The following TUT4 variants were observed in gnomAD, a reference collection of about 807,000 sequenced individuals.
TUT4 encodes terminal uridylyltransferase 4.
Under a neutral mutation model 192.2 loss-of-function variants are expected in TUT4, and 36 were observed. That is an observed-to-expected ratio of 0.19 (90% confidence interval 0.14 to 0.25). The LOEUF (loss-of-function observed/expected upper bound fraction) is 0.25, where lower values mean the gene tolerates loss of function less well. Among genes scored for constraint, TUT4 ranks in the 10% least tolerant of loss-of-function variants. The pLI is 1.00. For synonymous variants in TUT4, 618 were observed against 666.0 expected (o/e 0.93, Z 1.11); for missense variants, 1,493 against 1,957.2 (o/e 0.76, Z 4.47).
Position 52,458,285 on chromosome 1 carries a change from A to G in TUT4, c.3435+51T>C, listed in dbSNP as rs753132460. 2.2e-6 allele frequency: 3 copies of G among 1,367,736 alleles called. No homozygotes were observed. The East Asian group carries it at 6.9e-5, about 32-fold the overall frequency. 84.7% of individuals were successfully genotyped at this position (1,367,736 alleles called of 1,614,324 possible). A position where few individuals can be genotyped will look rare whatever the true frequency, so the allele number is the denominator to read the frequency against. On this transcript the variant is annotated intron_variant, in intron 20 of 29. Transcript: ENST00000257177. ...GAACCAAGCAAAATCTCCTGTGTTT[A>G]GATCTATTGTTTTCAAAAAAAACTC...
At chr1:52,463,830 ACTTGG>A in intron 16 of TUT4, 1 of 1,294,684 alleles carries the variant, frequency 7.7e-7, no homozygotes, top group Non-Finnish European at 1.0e-6. Context: ...CTGAAATTGC[ACTTGG>A]GGAAGGTCTG....
intron 15 of TUT4, among the ~76,000 whole-genome samples, chr1:52,467,166 T>C (rs943932414): frequency 2.6e-5 from 4 of 152,166 alleles, no homozygotes; most frequent in Non-Finnish European, 4.4e-5. Context: ...AATGATGATA[T>C]GATTTTTTAA....
intron 28 of TUT4, among the ~76,000 whole-genome samples, chr1:52,428,723 G>A (rs527430602): frequency 5.9e-5 from 9 of 152,020 alleles, no homozygotes; most frequent in East Asian, 1.9e-4. Context: ...CTCAGAAGGC[G>A]GAGGTTGCAG....
intron 13 of TUT4, among the ~76,000 whole-genome samples, chr1:52,473,740 G>A (rs978718372): frequency 6.6e-6 from 1 of 151,730 alleles, no homozygotes; most frequent in Non-Finnish European, 1.5e-5. Flanking sequence ...TGCATGATCT[G>A]TATAATCATT....
intron 1 of TUT4, among the ~76,000 whole-genome samples, chr1:52,547,315 A>C (rs191716503): frequency 1.3e-3 from 196 of 152,026 alleles, no homozygotes; most frequent in Non-Finnish European, 2.2e-4. Flanking sequence ...CTTATTAATC[A>C]TTAGGGAAAT....
At chr1:52,479,085 A>T (rs1238500813) in intron 11 of TUT4, among the ~76,000 whole-genome samples, 2 of 152,218 alleles carry the variant, frequency 1.3e-5, no homozygotes, top group East Asian at 3.9e-4. Context: ...GATAAGAATT[A>T]TTGAGAAGGT....
In TUT4 at chr1:52,423,941, C is replaced by T. The variant is rs747893717; in HGVS notation, c.4932G>A (p.Ser1644=). The change falls in exon 30 of 30, where the codon TCG becomes TCA. Residue 1644 remains serine (S), a synonymous_variant. Coordinates refer to ENST00000257177, the MANE Select transcript of TUT4 (RefSeq NM_001009881.3). ...RCPHPPRGNV[S]E ...GAAAGAAAATGGACTCGCATTACTC[C>T]GACACGTTTCCTCTTGGTGGGTGGG... 5 of 1,612,900 alleles carry T rather than the reference C, an allele frequency of 3.1e-6. No homozygotes were observed. The African/African-American group carries it at 5.3e-5, about 17-fold the overall frequency.
rs1482025807 is a variant in TUT4 at position 52,475,422 on chromosome 1, T to C, written c.2137A>G (p.Lys713Glu). 2 of 1,614,132 alleles carry C rather than the reference T, an allele frequency of 1.2e-6. No individual in the cohort carries two copies. The highest frequency in any genetic ancestry group is 4.5e-5 in the East Asian group (2 of 44,888). Residue 713 changes from lysine to glutamate, a missense_variant, in exon 13 of 30, where the codon AAG (lysine) becomes GAG (glutamate). By Grantham distance (56) the Lys-to-Glu change is moderately conservative (BLOSUM62 1). Coordinates refer to ENST00000257177, the MANE Select transcript of TUT4 (RefSeq NM_001009881.3). Reference sequence around the variant, plus strand: ...TCCACTGTAGACTTATTTCCACCCTTCGTCTGAGGACAGGCAAAATACCGA... The same window carrying C: ...TCCACTGTAGACTTATTTCCACCCTCCGTCTGAGGACAGGCAAAATACCGA... Reference protein sequence around the residue: ...AYRYFACPQTKGGNKSTVDFK... With the variant: ...AYRYFACPQTEGGNKSTVDFK...
chr1:52,549,670 C>G (rs551686933), intron 1 of TUT4, among the ~76,000 whole-genome samples: 2 of 152,126 alleles, frequency 1.3e-5, no homozygotes, highest in Non-Finnish European at 2.9e-5. Flanking sequence ...ATCACATATA[C>G]ATTATATTAG....
intron 4 of TUT4, among the ~76,000 whole-genome samples, chr1:52,506,952 T>C (rs1675760306): frequency 6.6e-6 from 1 of 152,232 alleles, no homozygotes; most frequent in Non-Finnish European, 1.5e-5. Flanking sequence ...TTGGAAACCA[T>C]TTATCATTTT....
chr1:52,512,776 G>C (rs993159624), intron 3 of TUT4, among the ~76,000 whole-genome samples: 3 of 152,166 alleles, frequency 2.0e-5, no homozygotes, highest in African/African-American at 4.8e-5. Flanking sequence ...GGAAAATTTA[G>C]CCTTCTGATC....
In TUT4 at chr1:52,481,851, G is replaced by GA. The variant is rs1328112539; in HGVS notation, c.1587dup (p.Leu530SerfsTer18). On this transcript the variant is annotated frameshift_variant, in exon 10 of 30. Coordinates refer to ENST00000257177, the MANE Select transcript of TUT4 (RefSeq NM_001009881.3). LOFTEE classifies it high-confidence loss of function. ...AGAAGAGGGGGTTTTCTCTGTTGTA[G>GA]AAAAAACATCACCATTAAAGCAAAA... The GA allele has an allele frequency of 6.3e-7, 1 of 1,599,440 alleles. No individual in the cohort carries two copies. Among genetic ancestry groups the GA allele is most frequent in the Non-Finnish European group, 8.5e-7 (1 of 1,176,284 alleles).
At chr1:52,463,516 A>C in intron 16 of TUT4, 1 of 1,126,422 alleles carries the variant, frequency 8.9e-7, no homozygotes, top group African/African-American at 1.6e-5. Flanking sequence ...AAAGCACACT[A>C]TTCTGCTGAA....
In TUT4 at chr1:52,429,090, T is replaced by G. The variant is rs534078288; in HGVS notation, c.4711+1923A>C. Among the ~76,000 whole-genome samples the G allele has an allele frequency of 3.4e-5, 5 of 148,330 alleles. No individual in the cohort carries two copies. The East Asian group carries it at 7.8e-4, about 23-fold the overall frequency. On this transcript the variant is annotated intron_variant, in intron 28 of 29. Coordinates refer to ENST00000257177, the MANE Select transcript of TUT4 (RefSeq NM_001009881.3). ...CAAAATTTCCATAATAGGTTTTTTT[T>G]TTTTTTTTTTTGAGATGGAGTCTCG...
At chr1:52,522,987 CT>C (rs748149518) in intron 2 of TUT4, among the ~76,000 whole-genome samples, 4,199 of 89,252 alleles carry the variant, frequency 0.047, 15 homozygotes, top group African/African-American at 0.064. Flanking sequence ...CCTTAACTAT[CT>C]TTTTTTTTTT....
intron 25 of TUT4, chr1:52,437,746 C>G (rs930780307): frequency 6.6e-6 from 1 of 152,426 alleles, no homozygotes; most frequent in Non-Finnish European, 1.5e-5. Context: ...CGAGGTCAGG[C>G]GTTCGAGACC....
chr1:52,471,680 A>G (rs535993886), intron 14 of TUT4, among the ~76,000 whole-genome samples: 1 of 152,344 alleles, frequency 6.6e-6, no homozygotes, highest in Non-Finnish European at 1.5e-5. Flanking sequence ...ATTTAAAGTT[A>G]AAAGCCACAT....
chr1:52,477,959 T>G (rs747845636), intron 11 of TUT4, 77 bp from the exon 12 acceptor site: 1 of 1,347,602 alleles, frequency 7.4e-7, no homozygotes, highest in Non-Finnish European at 9.9e-7. Context: ...AGAGAAGACC[T>G]TGGAGATCAC....
chr1:52,442,611 A>G (rs1542779), intron 24 of TUT4, among the ~76,000 whole-genome samples: 53,114 of 151,722 alleles, frequency 0.35, 12,868 homozygotes, highest in African/African-American at 0.7. Flanking sequence ...TGCTCCACAT[A>G]AGCATTTCAT....
Sources: gnomAD v4.1 joint callset for allele counts (sites outside exome capture counted in the v4.1 genomes callset) on GRCh38, gnomAD v4.1.1 for gene constraint, MANE v1.5 for transcripts, NCBI Gene and HGNC (gene_info 2026-07-23, HGNC 2026-07-21) for gene names.